NALF1: variants seen among roughly 807,000 people sequenced by gnomAD.
NALF1 encodes the protein NALCN channel auxiliary factor 1.
Under a neutral mutation model 48.4 loss-of-function variants are expected in NALF1, and 3 were observed. The ratio of observed to expected loss-of-function variants is 0.06; its 90% CI spans 0.03 to 0.16. The LOEUF (loss-of-function observed/expected upper bound fraction) is 0.16, where lower values mean the gene tolerates loss of function less well. Among genes scored for constraint, NALF1 ranks in the 10% least tolerant of loss-of-function variants. The pLI is 1.00. For missense variants in NALF1, 526 were observed against 571.5 expected (o/e 0.92, Z 0.81); for synonymous variants, 262 against 245.7 (o/e 1.07, Z -0.62).
intron 1 of NALF1, among the ~76,000 whole-genome samples, chr13:107,802,628 G>A (rs925423776): frequency 2.6e-5 from 4 of 152,042 alleles, no homozygotes; most frequent in Non-Finnish European, 4.4e-5. Context: ...ATGGAAAAGA[G>A]ATGCACAGAA....
chr13:107,170,782 A>T lies in NALF1; in HGVS notation c.1092T>A (p.Leu364=). 1 of 1,614,058 alleles carries T rather than the reference A, an allele frequency of 6.2e-7. No homozygotes were observed. Among genetic ancestry groups the T allele is most frequent in the Non-Finnish European group, 8.5e-7 (1 of 1,179,930 alleles). The change falls in exon 3 of 3, where the codon CTT becomes CTA. Residue 364 remains leucine, a synonymous_variant. Transcript: ENST00000375915. Reference sequence around the variant, plus strand: ...CATCATTGGTTAGAAAGGTTTCATAAAGCCCTGTAGGAAGAAGGAAGTAGA... The same window carrying T: ...CATCATTGGTTAGAAAGGTTTCATATAGCCCTGTAGGAAGAAGGAAGTAGA... The part of the protein sequence containing the change: ...GGLSSFICTG[L]YETFLTNDEP...
At chr13:107,683,029 G>A (rs1374636361) in intron 1 of NALF1, among the ~76,000 whole-genome samples, 3 of 152,198 alleles carry the variant, frequency 2.0e-5, no homozygotes, top group Non-Finnish European at 4.4e-5. Flanking sequence ...TTGGGAGGCT[G>A]AGGAGGGAGG....
intron 1 of NALF1, among the ~76,000 whole-genome samples, chr13:107,813,111 G>A (rs969782796): frequency 6.6e-6 from 1 of 152,076 alleles, no homozygotes; most frequent in Non-Finnish European, 1.5e-5. Flanking sequence ...ATTGCAAGAA[G>A]ATTAGCAAGT....
chr13:107,248,955 C>A (rs1443507353), intron 1 of NALF1, among the ~76,000 whole-genome samples: 1 of 144,806 alleles, frequency 6.9e-6, no homozygotes, highest in African/African-American at 2.6e-5. Context: ...TATATTTGTA[C>A]ACACACATAT....
intron 1 of NALF1, among the ~76,000 whole-genome samples, chr13:107,765,132 G>A (rs1266609436): frequency 6.6e-6 from 1 of 152,082 alleles, no homozygotes; most frequent in Non-Finnish European, 1.5e-5. Context: ...TATGTTGCTA[G>A]GATTAGAATA....
rs140318848 is a variant in NALF1 at position 107,769,542 on chromosome 13, G to A, written c.915+96140C>T. On this transcript the variant is annotated intron_variant, in intron 1 of 2. Transcript: ENST00000375915. ...ATATCGCACTCTGGGAACTGTTGTG[G>A]GGTGGGGGGAGGGGGGAGGGATAGC... is the stretch of plus-strand genomic sequence containing the variant. 0.037 allele frequency among the ~76,000 whole-genome samples: 4,364 copies of A among 117,108 alleles called. 421 individuals carry two copies. In the East Asian group the frequency reaches 0.46, roughly 12 times the overall value. The allele number at this position is 117,108 out of a possible 152,430, so 76.8% of individuals were successfully genotyped here.
chr13:107,340,005 C>T (rs1182835886), intron 1 of NALF1, among the ~76,000 whole-genome samples: 1 of 151,978 alleles, frequency 6.6e-6, no homozygotes, highest in Admixed American at 6.6e-5. Flanking sequence ...TTGTCATTTG[C>T]AGTTAGACAA....
intron 1 of NALF1, among the ~76,000 whole-genome samples, chr13:107,718,299 G>A (rs1300713838): frequency 6.6e-6 from 1 of 152,124 alleles, no homozygotes; most frequent in East Asian, 1.9e-4. Context: ...GGACTTACGG[G>A]GAGTAGTCCC....
At chr13:107,681,798 T>A (rs984873306) in intron 1 of NALF1, among the ~76,000 whole-genome samples, 2 of 152,192 alleles carry the variant, frequency 1.3e-5, no homozygotes, top group Admixed American at 1.3e-4. Context: ...CCTGACACTG[T>A]GCTTGTTCCA....
intron 1 of NALF1, among the ~76,000 whole-genome samples, chr13:107,464,030 GAATAGT>G (rs1187808645): frequency 6.6e-6 from 1 of 152,146 alleles, no homozygotes; most frequent in Admixed American, 6.5e-5. Context: ...GTTAGGTGTA[GAATAGT>G]AAGAATGTCT....
intron 1 of NALF1, among the ~76,000 whole-genome samples, chr13:107,707,662 G>GGA (rs1304288322): frequency 6.6e-6 from 1 of 152,196 alleles, no homozygotes; most frequent in Non-Finnish European, 1.5e-5. Context: ...TCCCTGAGGT[G>GGA]GAGATGGTAG....
chr13:107,452,521 A>G (rs1322934097), intron 1 of NALF1, among the ~76,000 whole-genome samples: 1 of 152,136 alleles, frequency 6.6e-6, no homozygotes, highest in Non-Finnish European at 1.5e-5. Flanking sequence ...GAAGGTAACC[A>G]TCTTCATGAT....
intron 1 of NALF1, among the ~76,000 whole-genome samples, chr13:107,594,007 A>G (rs1594148299): frequency 6.6e-6 from 1 of 152,178 alleles, no homozygotes; most frequent in African/African-American, 2.4e-5. Context: ...ACAGCTAAAT[A>G]AAACCTCCTT....
chr13:107,778,742 G>A (rs1877807591), intron 1 of NALF1, among the ~76,000 whole-genome samples: 1 of 152,094 alleles, frequency 6.6e-6, no homozygotes, highest in Non-Finnish European at 1.5e-5. Context: ...CCATGACTCA[G>A]TTTTCATGCT....
intron 1 of NALF1, among the ~76,000 whole-genome samples, chr13:107,670,263 T>C (rs540262730): frequency 3.9e-5 from 6 of 151,960 alleles, no homozygotes; most frequent in Non-Finnish European, 7.4e-5. Context: ...CCGGTAAAAC[T>C]GTTCTTTTAT....
chr13:107,222,152 T>A (rs1168231662), intron 1 of NALF1, among the ~76,000 whole-genome samples: 1 of 152,174 alleles, frequency 6.6e-6, no homozygotes, highest in Admixed American at 6.5e-5. Context: ...GCCAGAATTA[T>A]ATCTGGAAAA....
chr13:107,592,388 TA>T (rs946058324), intron 1 of NALF1, among the ~76,000 whole-genome samples: 2 of 151,910 alleles, frequency 1.3e-5, no homozygotes, highest in African/African-American at 2.4e-5. Flanking sequence ...AGAATTCATT[TA>T]AAAAATACCT....
chr13:107,784,864 T>C (rs1878023046), intron 1 of NALF1, among the ~76,000 whole-genome samples: 1 of 151,992 alleles, frequency 6.6e-6, no homozygotes, highest in Admixed American at 6.5e-5. Context: ...GAACTAAAAG[T>C]AGAACTACCA....
rs145518829 is a variant in NALF1, at chr13:107,370,608, A to G, written c.916-159853T>C. ...ATTTATCATCCATTAAATGACTTAC[A>G]TCCTCCCACCACGCCATGCTGAGCT... On this transcript the variant is annotated intron_variant, in intron 1 of 2. Coordinates refer to ENST00000375915, the MANE Select transcript of NALF1 (RefSeq NM_001080396.3). 2.4e-3 allele frequency among the ~76,000 whole-genome samples: 345 copies of G among 142,330 alleles called. 5 individuals are homozygous for G. Among genetic ancestry groups the G allele is most frequent in the African/African-American group, 8.0e-3 (314 of 39,214 alleles). The allele number at this position is 142,330 out of a possible 152,430, so 93.4% of individuals were successfully genotyped here. A position where few individuals can be genotyped will look rare whatever the true frequency, so the allele number is the denominator to read the frequency against.
Sources: allele counts gnomAD v4.1 joint callset (sites outside exome capture counted in the v4.1 genomes callset), GRCh38; gene constraint gnomAD v4.1.1; transcripts MANE v1.5; gene names NCBI Gene and HGNC (gene_info 2026-07-23, HGNC 2026-07-21).